The following CTCF variants were observed in gnomAD, a reference collection of about 807,000 sequenced individuals.
CTCF encodes CCCTC-binding factor.
A neutral mutation model predicts 72.3 loss-of-function variants in CTCF; 7 were observed. That is an observed-to-expected ratio of 0.10 (90% CI 0.06 to 0.18). The LOEUF (loss-of-function observed/expected upper bound fraction) is 0.18, where lower values mean the gene tolerates loss of function less well. CTCF is among the 10% of genes least tolerant of loss of function. The probability of loss-of-function intolerance (pLI) is 1.00; values close to 1 mark genes in which losing one functional copy is unlikely to be tolerated. For missense variants in CTCF, 516 were observed against 949.1 expected (o/e 0.54, Z 6.00); for synonymous variants, 374 against 315.8 (o/e 1.18, Z -1.95).
chr16:67,606,517 G>A (rs1041495811), intron 2 of CTCF, among the ~76,000 whole-genome samples: 8 of 151,978 alleles, frequency 5.3e-5, no homozygotes, highest in Middle Eastern at 6.3e-3. Flanking sequence ...GAGCCACCAC[G>A]CCCGGCCCCT....
At chr16:67,586,816 CAG>C (rs2051674999) in intron 2 of CTCF, among the ~76,000 whole-genome samples, 1 of 151,748 alleles carries the variant, frequency 6.6e-6, no homozygotes, top group African/African-American at 2.4e-5. Context: ...TTTTTTGAGA[CAG>C]GGTCTCACTT....
At chr16:67,632,354 A>T (rs2052376840) in intron 10 of CTCF, among the ~76,000 whole-genome samples, 1 of 152,128 alleles carries the variant, frequency 6.6e-6, no homozygotes, top group Non-Finnish European at 1.5e-5. Flanking sequence ...GAGATTATTG[A>T]TAGCTTCTGA....
At chr16:67,583,821 G>A (rs2051623705) in intron 2 of CTCF, among the ~76,000 whole-genome samples, 1 of 152,068 alleles carries the variant, frequency 6.6e-6, no homozygotes, top group Non-Finnish European at 1.5e-5. Context: ...GGGAGAAAAG[G>A]GCATTCTGGT....
intron 7 of CTCF, 164 bp from the exon 8 acceptor site, chr16:67,626,391 T>C (rs2052287553): frequency 2.5e-6 from 1 of 395,960 alleles, no homozygotes; most frequent in African/African-American, 2.2e-5. Flanking sequence ...AAGTGGAGCT[T>C]GCAGTGAGCT....
intron 2 of CTCF, among the ~76,000 whole-genome samples, chr16:67,572,936 TGCCCCCCCCC>T (rs1450469669): frequency 1.8e-5 from 2 of 113,036 alleles, no homozygotes; most frequent in African/African-American, 3.8e-5. Flanking sequence ...TGACTCTGTC[TGCCCCCCCCC>T]GCCCCCCCCC....
chr16:67,624,473 T>C (rs1423694294), intron 7 of CTCF, among the ~76,000 whole-genome samples: 1 of 152,200 alleles, frequency 6.6e-6, no homozygotes, highest in Non-Finnish European at 1.5e-5. Context: ...TGAAACACTT[T>C]CTTCCCTTGG....
intron 7 of CTCF, among the ~76,000 whole-genome samples, chr16:67,622,909 A>G (rs1485622271): frequency 7.8e-6 from 1 of 128,672 alleles, no homozygotes; most frequent in South Asian, 2.5e-4. Context: ...TGATCTGCCT[A>G]CCTCGGCCTC....
intron 2 of CTCF, among the ~76,000 whole-genome samples, chr16:67,608,301 G>A (rs1339692300): frequency 6.7e-6 from 1 of 149,486 alleles, no homozygotes; most frequent in Non-Finnish European, 1.5e-5. Context: ...CCTAGCCTGG[G>A]CAACAGAGCG....
chr16:67,587,928 G>T (rs1183209848), intron 2 of CTCF, among the ~76,000 whole-genome samples: 1 of 152,084 alleles, frequency 6.6e-6, no homozygotes, highest in Non-Finnish European at 1.5e-5. Context: ...CGTAATCTTG[G>T]CTCACTTCAG....
At chr16:67,621,216 G>T (rs1015786087) in intron 6 of CTCF, 4 of 449,138 alleles carry the variant, frequency 8.9e-6, no homozygotes, top group Non-Finnish European at 1.6e-5. Flanking sequence ...GCTGTAATGT[G>T]GAGGATTCCA....
intron 6 of CTCF, 161 bp from the exon 7 acceptor site, chr16:67,621,281 T>C (rs2052195736): frequency 5.2e-6 from 3 of 579,188 alleles, no homozygotes; most frequent in Middle Eastern, 4.7e-4. Context: ...CTTGGCCATA[T>C]CTGAAGATAG....
At chr16:67,593,700 A>T (rs2051775841) in intron 2 of CTCF, among the ~76,000 whole-genome samples, 1 of 152,216 alleles carries the variant, frequency 6.6e-6, no homozygotes, top group Non-Finnish European at 1.5e-5. Flanking sequence ...GAATGCAGAT[A>T]GACTTCTGAT....
At chr16:67,614,127 A>G (rs1357899705) in intron 4 of CTCF, among the ~76,000 whole-genome samples, 1 of 152,004 alleles carries the variant, frequency 6.6e-6, no homozygotes, top group Non-Finnish European at 1.5e-5. Flanking sequence ...TGGGTGGATC[A>G]CCTGAGGTCA....
chr16:67,574,811 A>G (rs1597679809), intron 2 of CTCF, among the ~76,000 whole-genome samples: 1 of 151,070 alleles, frequency 6.6e-6, no homozygotes, highest in South Asian at 2.1e-4. Flanking sequence ...TGCGCCCACC[A>G]CCACACCCAG....
chr16:67,602,410 C>G (rs1303731867), intron 2 of CTCF, among the ~76,000 whole-genome samples: 3 of 152,146 alleles, frequency 2.0e-5, no homozygotes, highest in African/African-American at 7.2e-5. Flanking sequence ...TTCTTTGATA[C>G]CTTTTCTGAG....
chr16:67,603,239 G>A (rs980663604), intron 2 of CTCF, among the ~76,000 whole-genome samples: 2 of 151,518 alleles, frequency 1.3e-5, no homozygotes, highest in African/African-American at 4.8e-5. Flanking sequence ...TACAAAAAAA[G>A]AAAACATTAG....
chr16:67,564,524 C>A (rs1178533520), intron 1 of CTCF, among the ~76,000 whole-genome samples: 1 of 152,188 alleles, frequency 6.6e-6, no homozygotes, highest in Non-Finnish European at 1.5e-5. Context: ...AATAAAATTG[C>A]ATAGAGTAAC....
At chr16:67,590,910 G>A (rs2051733790) in intron 2 of CTCF, among the ~76,000 whole-genome samples, 1 of 144,344 alleles carries the variant, frequency 6.9e-6, no homozygotes, top group African/African-American at 2.6e-5. Context: ...GCAGTAAGCT[G>A]AGATGGCACC....
chr16:67,574,493 C>T (rs2051468215), intron 2 of CTCF, among the ~76,000 whole-genome samples: 1 of 151,786 alleles, frequency 6.6e-6, no homozygotes, highest in Non-Finnish European at 1.5e-5. Flanking sequence ...AGGCGTTCAC[C>T]CCCACGCCTG....
Sources: gnomAD v4.1 joint callset for allele counts (sites outside exome capture counted in the v4.1 genomes callset) on GRCh38, gnomAD v4.1.1 for gene constraint, MANE v1.5 for transcripts, NCBI Gene and HGNC (gene_info 2026-07-23, HGNC 2026-07-21) for gene names.